NUDT22: variants seen among roughly 807,000 people sequenced by gnomAD.
NUDT22 encodes uridine diphosphate glucose pyrophosphatase NUDT22.
Under a neutral mutation model 28.8 loss-of-function variants are expected in NUDT22, and 23 were observed. The ratio of observed to expected loss-of-function variants is 0.80; its 90% CI spans 0.58 to 1.13. NUDT22 has a LOEUF of 1.13. NUDT22 is among the 50% of genes most tolerant of loss of function. NUDT22 has a pLI of 0.00. For synonymous variants in NUDT22, 175 were observed against 173.7 expected, an observed-to-expected ratio of 1.01 and a Z score of -0.06; for missense variants, 358 against 387.3, an observed-to-expected ratio of 0.92 and a Z score of 0.64.
chr11:64,228,058 A>C (rs1403349621), intron 3 of NUDT22: 2 of 211,694 alleles, frequency 9.4e-6, no homozygotes, highest in Non-Finnish European at 1.9e-5. Flanking sequence ...TTTTTAGTAG[A>C]GATGGGGTTT....
chr11:64,227,856 CTTCTT>C (rs1947084293), intron 3 of NUDT22, 190 bp downstream of exon 3: 12 of 584,860 alleles, frequency 2.1e-5, no homozygotes, highest in Non-Finnish European at 3.6e-5. Context: ...TTGGATTCTT[CTTCTT>C]TTCTTTTTTC....
rs747847254 is a variant in NUDT22 at position 64,227,400 on chromosome 11, G to A, written c.481-168G>A. The A allele has an allele frequency of 3.4e-5, 25 of 729,530 alleles. 1 individual carries two copies. In the Middle Eastern group the frequency reaches 1.4e-3, roughly 39 times the overall value. The allele number at this position is 729,530 out of a possible 1,614,324, so 45.2% of individuals were successfully genotyped here. The stretch of plus-strand genomic sequence containing the variant: ...CTGCCCCCTGTGTATCTCCTTTGAA[G>A]CTGGACCTCTGGTTGTCTGTCAGGG... On this transcript the variant is annotated intron_variant, in intron 2 of 5. Coordinates refer to ENST00000279206, the MANE Select transcript of NUDT22 (RefSeq NM_032344.4).
Position 64,229,178 on chromosome 11 carries a change from G to C in NUDT22, c.580-69G>C, listed in dbSNP as rs77456668. 254 of 1,114,600 alleles carry C rather than the reference G, an allele frequency of 2.3e-4. No individual in the cohort carries two copies. The African/African-American group carries it at 3.6e-3, about 16-fold the overall frequency. 69.0% of individuals were successfully genotyped at this position (1,114,600 alleles called of 1,614,324 possible). A position where few individuals can be genotyped will look rare whatever the true frequency, so the allele number is the denominator to read the frequency against. On this transcript the variant is annotated intron_variant, in intron 3 of 5. Transcript: ENST00000279206. Reference sequence around the variant, plus strand: ...CACAGGTAACAGGCGGTTTTTCATTGAGACGGGCAGGGATGTGGGCAGTGG... The same window carrying C: ...CACAGGTAACAGGCGGTTTTTCATTCAGACGGGCAGGGATGTGGGCAGTGG...
rs192998107 is a variant in NUDT22, at chr11:64,227,902, C to T, written c.579+236C>T. ...TTTTTTTTTTTTAGACAGAGTCTCG[C>T]TCTGTTGCCCAGGCTGGAATGCAGT... On this transcript the variant is annotated intron_variant, in intron 3 of 5. Coordinates refer to ENST00000279206, the MANE Select transcript of NUDT22 (RefSeq NM_032344.4). The T allele has an allele frequency of 8.1e-5, 38 of 470,690 alleles. 1 individual carries two copies. The East Asian group carries it at 1.6e-3, about 19-fold the overall frequency. The allele number at this position is 470,690 out of a possible 1,614,324, so 29.2% of individuals were successfully genotyped here.
chr11:64,226,859 G>A lies in NUDT22; in HGVS notation c.207G>A (p.Ala69=), dbSNP rs759221651. The part of the protein sequence containing the change: ...PKFRLHSATL[A]PIGSRGPQLL... ...TCCGCCTGCACTCAGCCACCCTGGCGCCTATTGGCTCTCGGGGGCCACAGC... is the reference window on the plus strand; with the variant it reads ...TCCGCCTGCACTCAGCCACCCTGGCACCTATTGGCTCTCGGGGGCCACAGC... Residue 69 remains alanine, a synonymous_variant, in exon 2 of 6, where the codon GCG becomes GCA. Transcript: ENST00000279206. 7.5e-6 allele frequency: 12 copies of A among 1,607,198 alleles called. No individual in the cohort carries two copies. The highest frequency in any genetic ancestry group is 1.0e-5 in the Non-Finnish European group (12 of 1,179,926).
chr11:64,226,295 C>A lies in NUDT22; in HGVS notation c.-151C>A. On this transcript the variant is annotated 5_prime_UTR_variant, in exon 1 of 6. The change creates a new upstream start codon in the 5' untranslated region. Coordinates refer to ENST00000279206, the MANE Select transcript of NUDT22 (RefSeq NM_032344.4). Reference sequence around the variant, plus strand: ...GGGCGGAGCCTGAGGGACCCGGCGGCTGGTGAGCGCCCGCTGGAGGCTGGA... The same window carrying A: ...GGGCGGAGCCTGAGGGACCCGGCGGATGGTGAGCGCCCGCTGGAGGCTGGA... 2.2e-6 allele frequency: 2 copies of A among 894,906 alleles called. No homozygotes were observed. The highest frequency in any genetic ancestry group is 1.4e-6 in the Non-Finnish European group (1 of 690,432). 55.4% of individuals were successfully genotyped at this position (894,906 alleles called of 1,614,324 possible). A position where few individuals can be genotyped will look rare whatever the true frequency, so the allele number is the denominator to read the frequency against.
intron 1 of NUDT22, 83 bp downstream of exon 1, chr11:64,226,510 T>G: frequency 3.4e-6 from 5 of 1,459,434 alleles, no homozygotes; most frequent in East Asian, 4.9e-5. Context: ...GCCCAAGGAG[T>G]GGTCAGGGGG....
chr11:64,229,593 T>C, intron 5 of NUDT22, 22 bp downstream of exon 5: 1 of 1,607,118 alleles, frequency 6.2e-7, no homozygotes, highest in East Asian at 2.2e-5. Context: ...CAAACCATCT[T>C]GCTTGGAGGC....
intron 2 of NUDT22, 46 bp downstream of exon 2, chr11:64,227,178 C>T (rs1297379047): frequency 6.5e-7 from 1 of 1,547,882 alleles, no homozygotes; most frequent in Admixed American, 1.9e-5. Context: ...CTCAAGGGAG[C>T]TGCAGCTCTC....
Position 64,226,702 on chromosome 11 carries a change from C to A in NUDT22, c.50C>A (p.Pro17His), listed in dbSNP as rs1380175726. 2.5e-6 allele frequency: 4 copies of A among 1,609,632 alleles called. No individual in the cohort carries two copies. Among genetic ancestry groups the A allele is most frequent in the South Asian group, 1.1e-5 (1 of 90,938 alleles). ...LLLQCPGGGL[P>H]QEQIQAELSP... ...CTGCAGTGCCCTGGCGGGGGCCTGC[C>A]CCAGGAGCAGATACAGGCCGAGCTG... The change falls in exon 2 of 6, where the codon CCC becomes CAC. Residue 17 changes from proline (P) to histidine (H), a missense_variant. Pro to His is a moderately conservative substitution (Grantham distance 77). Transcript: ENST00000279206.
intron 3 of NUDT22, 102 bp downstream of exon 3, chr11:64,227,768 G>A: frequency 2.3e-6 from 2 of 874,630 alleles, no homozygotes; most frequent in East Asian, 4.9e-5. Context: ...GCAGGCATCT[G>A]GCCAGCAATG....
chr11:64,227,179 T>C, intron 2 of NUDT22, 47 bp downstream of exon 2: 1 of 1,548,206 alleles, frequency 6.5e-7, no homozygotes, highest in Non-Finnish European at 8.7e-7. Flanking sequence ...TCAAGGGAGC[T>C]GCAGCTCTCC....
chr11:64,229,117 G>A (rs1478371884), intron 3 of NUDT22, 130 bp from the exon 4 acceptor site: 4 of 610,754 alleles, frequency 6.5e-6, no homozygotes, highest in Non-Finnish European at 1.1e-5. Flanking sequence ...ATTCTGTAAT[G>A]CTGGGTCCTT....
chr11:64,229,243 G>A lies in NUDT22; in HGVS notation c.580-4G>A, dbSNP rs773385227. 1.2e-5 allele frequency: 17 copies of A among 1,475,790 alleles called. No individual in the cohort carries two copies. The South Asian group carries it at 1.3e-4, about 11-fold the overall frequency. 91.4% of individuals were successfully genotyped at this position (1,475,790 alleles called of 1,614,324 possible). A position where few individuals can be genotyped will look rare whatever the true frequency, so the allele number is the denominator to read the frequency against. ...ACCTCCCCCCACCCCACCCTCCACCGCAGGTGAACCTGCCGCTGCTCACCC... is the reference window on the plus strand; with the variant it reads ...ACCTCCCCCCACCCCACCCTCCACCACAGGTGAACCTGCCGCTGCTCACCC... On this transcript the variant is annotated splice_polypyrimidine_tract_variant and splice_region_variant and intron_variant, in intron 3 of 5. Transcript: ENST00000279206.
Position 64,229,937 on chromosome 11 carries a change from G to T in NUDT22, c.859G>T (p.Gly287Ter). The change falls in exon 6 of 6, where the codon GGA becomes TGA. Residue 287 changes from glycine to a stop codon, truncating the protein, a stop_gained. Transcript: ENST00000279206. LOFTEE classifies it low-confidence loss of function (END_TRUNC). Reference sequence around the variant, plus strand: ...CATCATCCTCTACAACCGGGTTCAGGGAAGTCCCACTGGAGCGGCCCTAGG... The same window carrying T: ...CATCATCCTCTACAACCGGGTTCAGTGAAGTCCCACTGGAGCGGCCCTAGG... ...GAIILYNRVQ[G>*]SPTGAALGSP... 2 of 1,613,264 alleles carry T rather than the reference G, an allele frequency of 1.2e-6. No homozygotes were observed. The highest frequency in any genetic ancestry group is 1.7e-6 in the Non-Finnish European group (2 of 1,180,004).
chr11:64,226,392 G>C lies in NUDT22; in HGVS notation c.-54G>C, dbSNP rs1358067958. ...CAGACCCCTGGGTTTGGGGGACATG[G>C]GCATTTGGGGCGCCTGAACCCAAGA... is the stretch of plus-strand genomic sequence containing the variant. On this transcript the variant is annotated 5_prime_UTR_variant, in exon 1 of 6. Coordinates refer to ENST00000279206, the MANE Select transcript of NUDT22 (RefSeq NM_032344.4). 1 of 1,308,332 alleles carries C rather than the reference G, an allele frequency of 7.6e-7. No individual in the cohort carries two copies. Among genetic ancestry groups the C allele is most frequent in the Admixed American group, 3.7e-5 (1 of 27,046 alleles). The allele number at this position is 1,308,332 out of a possible 1,614,324, so 81.0% of individuals were successfully genotyped here. A position where few individuals can be genotyped will look rare whatever the true frequency, so the allele number is the denominator to read the frequency against.
Position 64,229,927 on chromosome 11 carries a change from C to T in NUDT22, c.849C>T (p.Asn283=). 1 of 1,613,346 alleles carries T rather than the reference C, an allele frequency of 6.2e-7. No homozygotes were observed. Among genetic ancestry groups the T allele is most frequent in the Non-Finnish European group, 8.5e-7 (1 of 1,180,016 alleles). The part of the protein sequence containing the change: ...PSAKGAIILY[N]RVQGSPTGAA... ...CCAAAGGCGCCATCATCCTCTACAA[C>T]CGGGTTCAGGGAAGTCCCACTGGAG... Residue 283 remains asparagine (N), a synonymous_variant, in exon 6 of 6, where the codon AAC becomes AAT. Coordinates refer to ENST00000279206, the MANE Select transcript of NUDT22 (RefSeq NM_032344.4).
At position 64,229,834 on chromosome 11, in the gene NUDT22, C is replaced by T. The variant is rs1480923605; in HGVS notation, c.772-16C>T. ...GTGGCAAGCTTGAATGCCTGGGTCT[C>T]GTTGTCTCCCCACAGAACGTGCAGA... On this transcript the variant is annotated splice_polypyrimidine_tract_variant and intron_variant, in intron 5 of 5. Coordinates refer to ENST00000279206, the MANE Select transcript of NUDT22 (RefSeq NM_032344.4). 3 of 1,612,782 alleles carry T rather than the reference C, an allele frequency of 1.9e-6. No individual in the cohort carries two copies. The highest frequency in any genetic ancestry group is 2.7e-5 in the African/African-American group (2 of 74,912).
At position 64,230,004 on chromosome 11, in the gene NUDT22, C is replaced by T; in HGVS notation, c.*14C>T. The T allele has an allele frequency of 2.5e-6, 4 of 1,607,768 alleles. No individual in the cohort carries two copies. The highest frequency in any genetic ancestry group is 3.4e-6 in the Non-Finnish European group (4 of 1,177,366). The stretch of plus-strand genomic sequence containing the variant: ...CCGCCGCTCTGAAAATAATAAACGA[C>T]TTTATTCTTGGATTCCGTTGGCATC... On this transcript the variant is annotated 3_prime_UTR_variant, in exon 6 of 6. Coordinates refer to ENST00000279206, the MANE Select transcript of NUDT22 (RefSeq NM_032344.4).
Sources: allele counts gnomAD v4.1 joint callset, GRCh38; gene constraint gnomAD v4.1.1; transcripts MANE v1.5; gene names NCBI Gene and HGNC (gene_info 2026-07-23, HGNC 2026-07-21).